The following WWOX variants were observed in gnomAD, a reference collection of about 807,000 sequenced individuals.
The protein encoded by WWOX is WW domain-containing oxidoreductase.
A neutral mutation model predicts 46.2 loss-of-function variants in WWOX; 69 were observed. That is an observed-to-expected ratio of 1.49 (90% CI 1.23 to 1.82). The LOEUF (loss-of-function observed/expected upper bound fraction) is 1.82, where lower values mean the gene tolerates loss of function less well. Ranked by LOEUF, WWOX falls within the 40% of genes most tolerant of loss-of-function variation. The pLI is 0.00. For synonymous variants in WWOX, 359 were observed against 202.6 expected, an observed-to-expected ratio of 1.77 and a Z score of -6.56; for missense variants, 919 against 542.6, an observed-to-expected ratio of 1.69 and a Z score of -6.89.
intron 8 of WWOX, among the ~76,000 whole-genome samples, chr16:79,054,172 A>G (rs887000961): frequency 6.6e-6 from 1 of 152,214 alleles, no homozygotes; most frequent in Non-Finnish European, 1.5e-5. Context: ...TATGAGCTGC[A>G]TGTACCAATA....
chr16:78,748,983 A>G (rs1009420703), intron 8 of WWOX, among the ~76,000 whole-genome samples: 1 of 152,262 alleles, frequency 6.6e-6, no homozygotes, highest in African/African-American at 2.4e-5. Flanking sequence ...GAACCTGACC[A>G]AATCAACGAC....
intron 8 of WWOX, among the ~76,000 whole-genome samples, chr16:78,894,056 T>C (rs2044649852): frequency 5.2e-5 from 1 of 19,362 alleles, no homozygotes; most frequent in Admixed American, 7.4e-4. Context: ...TATTATATTT[T>C]GAGACAGGGT....
intron 8 of WWOX, among the ~76,000 whole-genome samples, chr16:78,892,970 T>A (rs530484529): frequency 6.6e-6 from 1 of 152,314 alleles, no homozygotes; most frequent in South Asian, 2.1e-4. Flanking sequence ...TTAACAGTAA[T>A]GCCTTGGATT....
At chr16:78,353,979 C>G (rs2081233535) in intron 5 of WWOX, among the ~76,000 whole-genome samples, 1 of 152,238 alleles carries the variant, frequency 6.6e-6, no homozygotes, top group African/African-American at 2.4e-5. Flanking sequence ...TCGTGCTTTC[C>G]TCATGCTTTC....
intron 8 of WWOX, among the ~76,000 whole-genome samples, chr16:78,986,836 T>G (rs1188486470): frequency 6.6e-6 from 1 of 152,238 alleles, no homozygotes; most frequent in African/African-American, 2.4e-5. Context: ...TTTTTGGGCA[T>G]CTTTTTGATA....
intron 6 of WWOX, among the ~76,000 whole-genome samples, chr16:78,418,931 C>G (rs1597205018): frequency 6.6e-6 from 1 of 151,820 alleles, no homozygotes; most frequent in Non-Finnish European, 1.5e-5. Flanking sequence ...TACTAGAAAT[C>G]CTAGCTAGGG....
intron 8 of WWOX, among the ~76,000 whole-genome samples, chr16:78,999,615 T>G (rs1420603686): frequency 1.3e-5 from 2 of 152,194 alleles, no homozygotes; most frequent in African/African-American, 2.4e-5. Flanking sequence ...TTAGGAATAC[T>G]TTAATTATTT....
At chr16:78,489,060 T>C (rs1190014379) in intron 8 of WWOX, among the ~76,000 whole-genome samples, 1 of 152,120 alleles carries the variant, frequency 6.6e-6, no homozygotes, top group Non-Finnish European at 1.5e-5. Flanking sequence ...AGGAGATCAA[T>C]AGTTATCTGC....
chr16:78,832,930 A>G (rs961389541), intron 8 of WWOX, among the ~76,000 whole-genome samples: 2 of 152,058 alleles, frequency 1.3e-5, no homozygotes, highest in African/African-American at 4.8e-5. Context: ...AACTTTCTTT[A>G]AAGGATTTCT....
At chr16:78,475,786 C>T (rs573245930) in intron 8 of WWOX, among the ~76,000 whole-genome samples, 9 of 152,084 alleles carry the variant, frequency 5.9e-5, no homozygotes, top group African/African-American at 1.2e-4. Flanking sequence ...AGTAGAGACG[C>T]GTTTCACCAT....
intron 8 of WWOX, among the ~76,000 whole-genome samples, chr16:78,988,630 A>G (rs2046826775): frequency 6.6e-6 from 1 of 152,188 alleles, no homozygotes; most frequent in Admixed American, 6.5e-5. Context: ...AGATGGCAAA[A>G]GGAAGTTACT....
chr16:78,632,615 A>G (rs899147640), intron 8 of WWOX, among the ~76,000 whole-genome samples: 8 of 131,200 alleles, frequency 6.1e-5, no homozygotes, highest in Non-Finnish European at 6.2e-5. Flanking sequence ...CTGGAGTGCA[A>G]TGGTGCGATC....
intron 8 of WWOX, among the ~76,000 whole-genome samples, chr16:79,145,147 A>C (rs1246307392): frequency 1.3e-5 from 2 of 152,118 alleles, no homozygotes; most frequent in African/African-American, 4.8e-5. Flanking sequence ...AACTAATTAA[A>C]TTTTCATGTC....
chr16:78,129,925 A>G (rs902002465), intron 4 of WWOX: 1 of 152,126 alleles, frequency 6.6e-6, no homozygotes, highest in Non-Finnish European at 1.5e-5. Context: ...TATAGTTCCC[A>G]TGATCCCCAT....
At chr16:78,818,677 A>T (rs756840070) in intron 8 of WWOX, among the ~76,000 whole-genome samples, 1 of 152,180 alleles carries the variant, frequency 6.6e-6, no homozygotes, top group Non-Finnish European at 1.5e-5. Context: ...GCTGCAGTGA[A>T]CTAAGATGCC....
At chr16:78,963,892 G>T (rs1004473450) in intron 8 of WWOX, among the ~76,000 whole-genome samples, 4 of 152,076 alleles carry the variant, frequency 2.6e-5, no homozygotes, top group African/African-American at 7.2e-5. Context: ...CATGGGGGCT[G>T]GTGTTTCCCA....
At chr16:78,841,628 T>G (rs561915624) in intron 8 of WWOX, among the ~76,000 whole-genome samples, 71 of 152,368 alleles carry the variant, frequency 4.7e-4, no homozygotes, top group African/African-American at 1.6e-3. Context: ...TTAACAAAAC[T>G]CTGGCGAATT....
At chr16:79,012,883 G>A (rs1354358444) in intron 8 of WWOX, among the ~76,000 whole-genome samples, 2 of 152,176 alleles carry the variant, frequency 1.3e-5, no homozygotes, top group East Asian at 3.9e-4. Context: ...GCTGAAGAAA[G>A]GCATCACAAA....
At chr16:78,956,762 G>T (rs2046175407) in intron 8 of WWOX, among the ~76,000 whole-genome samples, 1 of 152,146 alleles carries the variant, frequency 6.6e-6, no homozygotes, top group East Asian at 1.9e-4. Context: ...TTTGGGATCT[G>T]CTGAGCCCAG....
Sources: allele counts gnomAD v4.1 joint callset (sites outside exome capture counted in the v4.1 genomes callset), GRCh38; gene constraint gnomAD v4.1.1; transcripts MANE v1.5; gene names NCBI Gene and HGNC (gene_info 2026-07-23, HGNC 2026-07-21).